Variants in CSMD2 observed in about 807,000 individuals in gnomAD.
CSMD2 encodes CUB and sushi domain-containing protein 2.
A neutral mutation model predicts 398.5 loss-of-function variants in CSMD2; 130 were observed. The ratio of observed to expected loss-of-function variants is 0.33; its 90% confidence interval spans 0.28 to 0.38. The LOEUF (loss-of-function observed/expected upper bound fraction) is 0.38. Ranked by LOEUF, CSMD2 falls within the 10% of genes least tolerant of loss-of-function variation. The pLI, the probability that CSMD2 is intolerant of heterozygous loss-of-function variation, is 1.00. For synonymous variants in CSMD2, 1,828 were observed against 1,908.5 expected, an observed-to-expected ratio of 0.96 and a Z score of 1.10; for missense variants, 3,829 against 4,764.9, an observed-to-expected ratio of 0.80 and a Z score of 5.78.
At chr1:33,830,253 G>A (rs1310002272) in intron 6 of CSMD2, among the ~76,000 whole-genome samples, 2 of 152,168 alleles carry the variant, frequency 1.3e-5, no homozygotes, top group African/African-American at 4.8e-5. Context: ...TAACTGGGAG[G>A]CACCCCCCAG....
At chr1:34,077,927 C>T (rs371498002) in intron 2 of CSMD2, among the ~76,000 whole-genome samples, 8 of 151,932 alleles carry the variant, frequency 5.3e-5, no homozygotes, top group Non-Finnish European at 2.9e-5. Flanking sequence ...ATGTAACCTC[C>T]GAATCTAAAA....
At chr1:33,665,441 T>A (rs1463639945) in intron 25 of CSMD2, among the ~76,000 whole-genome samples, 7 of 150,648 alleles carry the variant, frequency 4.6e-5, no homozygotes, top group African/African-American at 1.7e-4. Flanking sequence ...CTGGGACTTG[T>A]ATAGTTTCTT....
chr1:33,805,027 A>T, intron 10 of CSMD2: 1 of 621,070 alleles, frequency 1.6e-6, no homozygotes, highest in Non-Finnish European at 2.9e-6. Context: ...CAGAGGTGCT[A>T]TCTTTAGAAA....
chr1:34,035,640 T>G (rs1340843795), intron 2 of CSMD2, among the ~76,000 whole-genome samples: 1 of 151,422 alleles, frequency 6.6e-6, no homozygotes, highest in Non-Finnish European at 1.5e-5. Flanking sequence ...GAAAAAGTAT[T>G]TGACACATTT....
chr1:33,729,033 T>A (rs893244246), intron 15 of CSMD2, among the ~76,000 whole-genome samples: 3 of 152,160 alleles, frequency 2.0e-5, no homozygotes, highest in Non-Finnish European at 4.4e-5. Flanking sequence ...TATTGCTACA[T>A]CCCATTGTTA....
At chr1:33,904,289 T>C (rs905449059) in intron 5 of CSMD2, among the ~76,000 whole-genome samples, 3 of 152,052 alleles carry the variant, frequency 2.0e-5, no homozygotes, top group South Asian at 2.1e-4. Context: ...GGAAAACAGA[T>C]GTGGGAGGTC....
chr1:33,910,065 C>G (rs1431383202), intron 5 of CSMD2, among the ~76,000 whole-genome samples: 1 of 152,170 alleles, frequency 6.6e-6, no homozygotes, highest in African/African-American at 2.4e-5. Flanking sequence ...TGCCTCAGTT[C>G]AAGGCTGGAT....
chr1:33,673,608 G>A (rs1048421046), intron 25 of CSMD2, among the ~76,000 whole-genome samples: 2 of 152,122 alleles, frequency 1.3e-5, no homozygotes, highest in African/African-American at 4.8e-5. Flanking sequence ...GAAATACAGA[G>A]AGCACCACAA....
chr1:33,642,523 C>T (rs897332369), intron 29 of CSMD2, among the ~76,000 whole-genome samples: 13 of 152,050 alleles, frequency 8.5e-5, no homozygotes, highest in Admixed American at 5.2e-4. Flanking sequence ...GGAGAGAGAA[C>T]GATTCTGGAG....
At chr1:33,723,068 G>A (rs930964284) in intron 19 of CSMD2, among the ~76,000 whole-genome samples, 2 of 152,176 alleles carry the variant, frequency 1.3e-5, no homozygotes, top group Non-Finnish European at 2.9e-5. Flanking sequence ...GTGCACACAC[G>A]GAGGGATCTA....
intron 60 of CSMD2, among the ~76,000 whole-genome samples, chr1:33,539,391 A>G (rs919923186): frequency 1.3e-5 from 2 of 152,254 alleles, no homozygotes; most frequent in Non-Finnish European, 2.9e-5. Context: ...AAATTCTTTA[A>G]AGCCATTAAA....
chr1:33,725,036 T>C (rs1337056227), intron 17 of CSMD2, among the ~76,000 whole-genome samples: 1 of 152,172 alleles, frequency 6.6e-6, no homozygotes, highest in Non-Finnish European at 1.5e-5. Flanking sequence ...TGAGATGCCA[T>C]CTTGGGTTAA....
At chr1:33,606,584 GT>G (rs1450318405) in intron 41 of CSMD2, among the ~76,000 whole-genome samples, 2 of 152,244 alleles carry the variant, frequency 1.3e-5, no homozygotes, top group Non-Finnish European at 2.9e-5. Flanking sequence ...CAGCACGGGG[GT>G]TTGGGCCGTT....
chr1:33,629,743 G>GTTTT (rs57420148), intron 32 of CSMD2, among the ~76,000 whole-genome samples: 1 of 146,940 alleles, frequency 6.8e-6, no homozygotes. Flanking sequence ...ATATCTACAG[G>GTTTT]TTTTTTTTTT....
chr1:33,759,075 G>A (rs1252299418), intron 13 of CSMD2, among the ~76,000 whole-genome samples: 1 of 152,174 alleles, frequency 6.6e-6, no homozygotes, highest in Admixed American at 6.5e-5. Context: ...ATAAAAAAGG[G>A]TATGAAGGAA....
chr1:33,636,646 T>C lies in CSMD2; in HGVS notation c.4775-92A>G. 1 of 1,044,454 alleles carries C rather than the reference T, an allele frequency of 9.6e-7. No homozygotes were observed. The highest frequency in any genetic ancestry group is 1.5e-5 in the South Asian group (1 of 67,414). The allele number at this position is 1,044,454 out of a possible 1,614,324, so 64.7% of individuals were successfully genotyped here. The stretch of plus-strand genomic sequence containing the variant: ...CCAGTGCCCATGAGGAGAACCCGAC[T>C]TTAATTAGCCACAGAGCACACGGGG... On this transcript the variant is annotated intron_variant, in intron 29 of 70. Coordinates refer to ENST00000373381, the MANE Select transcript of CSMD2 (RefSeq NM_001281956.2). This position sits in a 1 kb window ranked among gnomAD's most constrained non-coding sequence, Gnocchi z 4.8.
chr1:33,922,992 T>C (rs1643998040), intron 4 of CSMD2, among the ~76,000 whole-genome samples: 1 of 152,266 alleles, frequency 6.6e-6, no homozygotes, highest in African/African-American at 2.4e-5. Context: ...TATATGTATG[T>C]ATTGTGGAAT....
At chr1:33,531,187 T>C (rs893848854) in intron 64 of CSMD2, among the ~76,000 whole-genome samples, 4 of 152,240 alleles carry the variant, frequency 2.6e-5, no homozygotes, top group African/African-American at 9.6e-5. Context: ...TGTATACATA[T>C]ATCAAAACAT....
intron 41 of CSMD2, among the ~76,000 whole-genome samples, chr1:33,607,187 A>G (rs1405520134): frequency 3.9e-5 from 6 of 152,240 alleles, no homozygotes; most frequent in African/African-American, 1.2e-4. Context: ...AGAAATTGTC[A>G]TGGAACACAT....
Sources: allele counts gnomAD v4.1 joint callset (sites outside exome capture counted in the v4.1 genomes callset), GRCh38; gene constraint gnomAD v4.1.1; non-coding constraint Gnocchi (gnomAD v3.1); transcripts MANE v1.5; gene names NCBI Gene and HGNC (gene_info 2026-07-23, HGNC 2026-07-21).